The following RPL27 variants were observed in gnomAD, a reference collection of about 807,000 sequenced individuals.
RPL27 encodes the protein large ribosomal subunit protein eL27.
For synonymous variants in RPL27, 77 were observed against 61.0 expected, an observed-to-expected ratio of 1.26 and a Z score of -1.22; for missense variants, 131 against 174.3, an observed-to-expected ratio of 0.75 and a Z score of 1.40.
At chr17:43,002,315 C>T (rs1371530867) in intron 3 of RPL27, among the ~76,000 whole-genome samples, 2 of 150,486 alleles carry the variant, frequency 1.3e-5, no homozygotes, top group East Asian at 3.9e-4. Flanking sequence ...ACCGTCCTGG[C>T]TAACACTGTG....
At chr17:43,000,644 C>T (rs1408518396) in intron 3 of RPL27, among the ~76,000 whole-genome samples, 1 of 147,846 alleles carries the variant, frequency 6.8e-6, no homozygotes, top group East Asian at 2.2e-4. Flanking sequence ...CGGGGTTTCA[C>T]CATGTTAGCC....
In RPL27 at chr17:43,000,040, C is replaced by T; in HGVS notation, c.189C>T (p.Ala63=). 6.2e-7 allele frequency: 1 copy of T among 1,612,920 alleles called. No homozygotes were observed. The highest frequency in any genetic ancestry group is 8.5e-7 in the Non-Finnish European group (1 of 1,179,880). ...VTAAMGKKKI[A]KRSKIKSFVK... is the part of the protein sequence containing the mutation. ...CTGCCATGGGCAAGAAGAAGATCGC[C>T]AAGAGATCAAAGATAAAATCTTTTG... Residue 63 remains alanine (A), a synonymous_variant, in exon 3 of 5, where the codon GCC becomes GCT. Coordinates refer to ENST00000253788, the MANE Select transcript of RPL27 (RefSeq NM_000988.5).
chr17:42,998,398 T>C (rs1014377161), upstream of RPL27: 6 of 218,014 alleles, frequency 2.8e-5, no homozygotes, highest in African/African-American at 4.7e-5. Context: ...GTGAGGTCAC[T>C]CCTCACCGGG....
At position 42,998,829 on chromosome 17, in the gene RPL27, A is replaced by AAGGT; in HGVS notation, c.81_81+3dup. 1 of 1,613,516 alleles carries AAGGT rather than the reference A, an allele frequency of 6.2e-7. No homozygotes were observed. On this transcript the variant is annotated frameshift_variant and splice_region_variant, in exon 2 of 5. Transcript: ENST00000253788. LOFTEE classifies it high-confidence loss of function. ...CTCCGGACGCAAAGCTGTCATCGTG[A>AAGGT]AGGTATCAGCCTCGCGGGACTCTGC...
chr17:43,000,776 C>T (rs1331293482), intron 3 of RPL27, among the ~76,000 whole-genome samples: 3 of 149,930 alleles, frequency 2.0e-5, no homozygotes, highest in Non-Finnish European at 3.0e-5. Flanking sequence ...TACAAGAGGC[C>T]GGGCACAATG....
intron 3 of RPL27, among the ~76,000 whole-genome samples, 189 bp from the exon 4 acceptor site, chr17:43,002,484 A>G (rs2050374736): frequency 6.6e-6 from 1 of 152,084 alleles, no homozygotes; most frequent in African/African-American, 2.4e-5. Context: ...TCCAGCCTGG[A>G]CGAAAGATTC....
rs779224984 is a variant in RPL27, at chr17:43,000,002, C to T, written c.151C>T (p.Arg51Cys). Residue 51 changes from arginine (R) to cysteine (C), a missense_variant, in exon 3 of 5, where the codon CGC becomes TGC. By Grantham distance (180) the Arg-to-Cys change is radical. Coordinates refer to ENST00000253788, the MANE Select transcript of RPL27 (RefSeq NM_000988.5). ...ALVAGIDRYP[R>C]KVTAAMGKKK... is the part of the protein sequence containing the mutation. ...GGTGGCTGGAATTGACCGCTACCCC[C>T]GCAAAGTGACAGCTGCCATGGGCAA... 7 of 1,612,296 alleles carry T rather than the reference C, an allele frequency of 4.3e-6. No homozygotes were observed. Among genetic ancestry groups the T allele is most frequent in the Admixed American group, 1.7e-5 (1 of 60,022 alleles).
At chr17:42,999,810 C>G in intron 2 of RPL27, 123 bp from the exon 3 acceptor site, 1 of 684,354 alleles carries the variant, frequency 1.5e-6, no homozygotes, top group Non-Finnish European at 2.5e-6. Flanking sequence ...TGTGATTTTT[C>G]TCTTTATAAT....
chr17:43,000,202 T>G, intron 3 of RPL27, 100 bp downstream of exon 3: 2 of 894,966 alleles, frequency 2.2e-6, no homozygotes, highest in Non-Finnish European at 3.5e-6. Flanking sequence ...GGGATATCAT[T>G]TCCAAAATGT....
At chr17:42,998,957 G>A (rs1434480079) in intron 2 of RPL27, 126 bp downstream of exon 2, 1 of 726,522 alleles carries the variant, frequency 1.4e-6, no homozygotes, top group South Asian at 1.6e-5. Flanking sequence ...CAGGGTGAAC[G>A]TGGGAGAGTT....
rs777596481 is a variant in RPL27 at position 43,002,958 on chromosome 17, A to G, written c.*38A>G. 16 of 1,511,308 alleles carry G rather than the reference A, an allele frequency of 1.1e-5. No individual in the cohort carries two copies. The Admixed American group carries it at 2.7e-4, about 25-fold the overall frequency. The allele number at this position is 1,511,308 out of a possible 1,614,324, so 93.6% of individuals were successfully genotyped here. A position where few individuals can be genotyped will look rare whatever the true frequency, so the allele number is the denominator to read the frequency against. ...GATCATTAAAAATTATAAAGAAAAA[A>G]AGCCTGTGTCTGCATGCTGTATGTA... On this transcript the variant is annotated 3_prime_UTR_variant, in exon 5 of 5. Coordinates refer to ENST00000253788, the MANE Select transcript of RPL27 (RefSeq NM_000988.5).
At chr17:42,998,660 C>A in intron 1 of RPL27, 89 bp from the exon 2 acceptor site, 2 of 1,037,168 alleles carry the variant, frequency 1.9e-6, no homozygotes, top group South Asian at 1.3e-5. Flanking sequence ...AAGTTCCGGC[C>A]CAAGACCTGG....
At position 43,002,943 on chromosome 17, in the gene RPL27, A is replaced by C. The variant is rs201223440; in HGVS notation, c.*23A>C. On this transcript the variant is annotated 3_prime_UTR_variant, in exon 5 of 5. Coordinates refer to ENST00000253788, the MANE Select transcript of RPL27 (RefSeq NM_000988.5). ...TAGATGCTTTGTTTTGATCATTAAA[A>C]ATTATAAAGAAAAAAAGCCTGTGTC... 48 of 1,581,746 alleles carry C rather than the reference A, an allele frequency of 3.0e-5. No individual in the cohort carries two copies. The East Asian group carries it at 8.0e-4, about 27-fold the overall frequency.
In RPL27 at chr17:43,002,727, A is replaced by G; in HGVS notation, c.306A>G (p.Arg102=). Residue 102 remains arginine (R), a synonymous_variant, in exon 4 of 5, where the codon AGA becomes AGG. Transcript: ENST00000253788. ...CTGTCGTCAATAAGGATGTCTTCAG[A>G]GATCCTGCTCTTAAACGCAAGGCCC... ...DKTVVNKDVF[R]DPALKRKARR... 6.2e-6 allele frequency: 10 copies of G among 1,614,018 alleles called. No homozygotes were observed. Among genetic ancestry groups the G allele is most frequent in the Non-Finnish European group, 8.5e-6 (10 of 1,179,924 alleles).
chr17:43,002,324 T>G (rs1224425207), intron 3 of RPL27, among the ~76,000 whole-genome samples: 1 of 141,852 alleles, frequency 7.0e-6, no homozygotes, highest in Non-Finnish European at 1.5e-5. Context: ...GCTAACACTG[T>G]GAAACCCCGT....
At chr17:43,001,148 A>G (rs374376212) in intron 3 of RPL27, among the ~76,000 whole-genome samples, 137 of 151,642 alleles carry the variant, frequency 9.0e-4, no homozygotes, top group African/African-American at 3.3e-3. Context: ...TCGAGACCGC[A>G]CTGGCTAACA....
chr17:43,002,021 G>T (rs2050367867), intron 3 of RPL27, among the ~76,000 whole-genome samples: 1 of 151,580 alleles, frequency 6.6e-6, no homozygotes, highest in Non-Finnish European at 1.5e-5. Flanking sequence ...GTGAACCTAG[G>T]AGGCGGAGGT....
intron 2 of RPL27, chr17:42,999,638 T>C (rs1313249447): frequency 3.2e-6 from 1 of 308,508 alleles, no homozygotes; most frequent in East Asian, 7.0e-5. Context: ...AGCAAGTGAA[T>C]AGATACCAAG....
chr17:43,000,019 C>T lies in RPL27; in HGVS notation c.168C>T (p.Ala56=), dbSNP rs371917151. 1.3e-5 allele frequency: 21 copies of T among 1,612,504 alleles called. No individual in the cohort carries two copies. The highest frequency in any genetic ancestry group is 1.8e-5 in the Non-Finnish European group (21 of 1,179,918). ...IDRYPRKVTA[A]MGKKKIAKRS... ...GCTACCCCCGCAAAGTGACAGCTGC[C>T]ATGGGCAAGAAGAAGATCGCCAAGA... The change falls in exon 3 of 5, where the codon GCC becomes GCT. Residue 56 remains alanine, a synonymous_variant. Coordinates refer to ENST00000253788, the MANE Select transcript of RPL27 (RefSeq NM_000988.5).
Sources: allele counts gnomAD v4.1 joint callset (sites outside exome capture counted in the v4.1 genomes callset), GRCh38; gene constraint gnomAD v4.1.1; transcripts MANE v1.5; gene names NCBI Gene and HGNC (gene_info 2026-07-23, HGNC 2026-07-21).